The following ITGA9 variants were observed in gnomAD, a reference collection of about 807,000 sequenced individuals.
ITGA9 encodes integrin alpha-9.
In ITGA9, 56 loss-of-function variants were observed where a neutral mutation model predicts 127.8. The observed-to-expected ratio is 0.44, with a 90% CI of 0.35 to 0.55. The LOEUF (loss-of-function observed/expected upper bound fraction) is 0.55, where lower values mean the gene tolerates loss of function less well. Ranked by LOEUF, ITGA9 falls within the 20% of genes least tolerant of loss-of-function variation. ITGA9 has a pLI of 0.00. For synonymous variants in ITGA9, 508 were observed against 514.5 expected (o/e 0.99, Z 0.17); for missense variants, 1,196 against 1,347.1 (o/e 0.89, Z 1.76).
chr3:37,653,876 A>T lies in ITGA9; in HGVS notation c.1916+86A>T, dbSNP rs1700452038. On this transcript the variant is annotated intron_variant, in intron 17 of 27. Coordinates refer to ENST00000264741, the MANE Select transcript of ITGA9 (RefSeq NM_002207.3). The stretch of plus-strand genomic sequence containing the variant: ...CAAACCTGAATGTGCAGATTTCCCC[A>T]CTGAAGAGGATAAACAGAGTTGATG... The T allele has an allele frequency of 1.1e-5, 10 of 925,664 alleles. No homozygotes were observed. In the South Asian group the frequency reaches 1.2e-4, roughly 11 times the overall value. 57.3% of individuals were successfully genotyped at this position (925,664 alleles called of 1,614,324 possible).
intron 17 of ITGA9, among the ~76,000 whole-genome samples, chr3:37,670,578 A>G (rs1294362719): frequency 2.6e-5 from 4 of 152,256 alleles, no homozygotes; most frequent in African/African-American, 9.6e-5. Context: ...CTCTGTCCCA[A>G]ATAGAAATCA....
At chr3:37,582,515 A>G (rs946699609) in intron 15 of ITGA9, among the ~76,000 whole-genome samples, 4 of 152,206 alleles carry the variant, frequency 2.6e-5, no homozygotes, top group African/African-American at 9.7e-5. Context: ...CTCTTAAGAA[A>G]AGGAAGGAGA....
Position 37,731,194 on chromosome 3 carries a change from G to A in ITGA9, c.2068-1518G>A, listed in dbSNP as rs1180830043. 1.1e-4 allele frequency among the ~76,000 whole-genome samples: 16 copies of A among 152,154 alleles called. 1 individual carries two copies. Among genetic ancestry groups the A allele is most frequent in the African/African-American group, 3.4e-4 (14 of 41,432 alleles). ...AAAAGACTCATGCTGTGCAATTAGA[G>A]TGTGGCCCAGGAATCTGCATTTTAT... On this transcript the variant is annotated intron_variant, in intron 18 of 27. Transcript: ENST00000264741.
intron 16 of ITGA9, among the ~76,000 whole-genome samples, chr3:37,638,171 G>A (rs1004706377): frequency 3.3e-5 from 5 of 152,068 alleles, no homozygotes; most frequent in Admixed American, 2.6e-4. Context: ...ATAAATCAAC[G>A]AGTAGTAGTA....
At chr3:37,619,099 C>T (rs528293065) in intron 15 of ITGA9, among the ~76,000 whole-genome samples, 10 of 152,094 alleles carry the variant, frequency 6.6e-5, no homozygotes, top group Non-Finnish European at 1.0e-4. Flanking sequence ...TGGCCGTCTT[C>T]GCTGTTATTT....
At chr3:37,519,442 G>A (rs1699022740) in intron 11 of ITGA9, 88 bp downstream of exon 11, 2 of 1,066,572 alleles carry the variant, frequency 1.9e-6, no homozygotes, top group South Asian at 1.3e-5. Context: ...ATGCCCTGGA[G>A]GTACAAAGAA....
At position 37,490,966 on chromosome 3, in the gene ITGA9, T is replaced by TCCCC. The variant is rs10624727; in HGVS notation, c.545-3531_545-3528dup. Among the ~76,000 whole-genome samples the TCCCC allele has an allele frequency of 4.3e-3, 466 of 108,642 alleles. 10 individuals carry two copies. The highest frequency in any genetic ancestry group is 5.5e-3 in the Non-Finnish European group (290 of 53,152). 71.3% of individuals were successfully genotyped at this position (108,642 alleles called of 152,430 possible). On this transcript the variant is annotated intron_variant, in intron 4 of 27. Transcript: ENST00000264741. ...TATCTTTTGGGTCTCAGATTTGGCT[T>TCCCC]CCCCCCCGCTTTTTTTTTTTTTTTT... is the stretch of plus-strand genomic sequence containing the variant.
chr3:37,807,825 G>GACC (rs1453552171), intron 27 of ITGA9: 1 of 152,390 alleles, frequency 6.6e-6, no homozygotes, highest in African/African-American at 2.4e-5. Flanking sequence ...AGGGTTTGCT[G>GACC]ACCAGTTGGA....
At chr3:37,568,799 A>G (rs1699573410) in intron 15 of ITGA9, among the ~76,000 whole-genome samples, 1 of 152,210 alleles carries the variant, frequency 6.6e-6, no homozygotes, top group African/African-American at 2.4e-5. Context: ...TGTCCCTATT[A>G]TTATCAGCAT....
At position 37,647,967 on chromosome 3, in the gene ITGA9, A is replaced by G. The variant is rs137895323; in HGVS notation, c.1840-5747A>G. 3.7e-4 allele frequency among the ~76,000 whole-genome samples: 56 copies of G among 152,338 alleles called. No homozygotes were observed. In the East Asian group the frequency reaches 9.8e-3, roughly 27 times the overall value. On this transcript the variant is annotated intron_variant, in intron 16 of 27. Transcript: ENST00000264741. ...TGATTCCATGTCTTAGCTGTTGTGA[A>G]TAATGCTGCAATGAACATGGAAATG... is the stretch of plus-strand genomic sequence containing the variant.
intron 17 of ITGA9, among the ~76,000 whole-genome samples, chr3:37,673,060 G>A (rs574061819): frequency 6.6e-6 from 1 of 152,136 alleles, no homozygotes; most frequent in East Asian, 1.9e-4. Flanking sequence ...ATAATTCCAT[G>A]TTTCACTGAA....
At chr3:37,623,886 G>C (rs1370705893) in intron 15 of ITGA9, among the ~76,000 whole-genome samples, 1 of 152,092 alleles carries the variant, frequency 6.6e-6, no homozygotes, top group Non-Finnish European at 1.5e-5. Flanking sequence ...AGAGATAAAG[G>C]AAAAGGCATC....
At chr3:37,764,255 C>T (rs966490748) in intron 23 of ITGA9, among the ~76,000 whole-genome samples, 2 of 151,936 alleles carry the variant, frequency 1.3e-5, no homozygotes, top group African/African-American at 4.8e-5. Context: ...GTCCTCTTTG[C>T]TCTCTCCATA....
At chr3:37,480,913 A>G (rs1366786567) in intron 3 of ITGA9, among the ~76,000 whole-genome samples, 1 of 152,146 alleles carries the variant, frequency 6.6e-6, no homozygotes, top group Admixed American at 6.5e-5. Context: ...CACTTGGATC[A>G]TGCTTCTCAA....
chr3:37,612,040 A>G (rs1462053366), intron 15 of ITGA9, among the ~76,000 whole-genome samples: 2 of 152,058 alleles, frequency 1.3e-5, no homozygotes, highest in African/African-American at 4.8e-5. Flanking sequence ...AACCTGTCAT[A>G]AAATGTAATG....
chr3:37,658,395 ATAGT>A (rs1700498926), intron 17 of ITGA9, among the ~76,000 whole-genome samples: 1 of 152,160 alleles, frequency 6.6e-6, no homozygotes, highest in Non-Finnish European at 1.5e-5. Flanking sequence ...TATATTGATG[ATAGT>A]TAGCTCTTCT....
chr3:37,749,775 T>C (rs1696557637), intron 22 of ITGA9: 1 of 153,208 alleles, frequency 6.5e-6, no homozygotes. Flanking sequence ...GAGCTGCAGA[T>C]TGCCTGGAAA....
intron 26 of ITGA9, among the ~76,000 whole-genome samples, chr3:37,792,918 G>A (rs184522584): frequency 6.6e-6 from 1 of 152,248 alleles, no homozygotes; most frequent in East Asian, 1.9e-4. Context: ...GGCTGGGAGT[G>A]ATCCAGTGTC....
chr3:37,708,651 C>CTA, intron 18 of ITGA9, among the ~76,000 whole-genome samples: 3 of 152,300 alleles, frequency 2.0e-5, no homozygotes, highest in East Asian at 1.9e-4. Context: ...GCTAAATACC[C>CTA]CACAATGCAC....
Sources: gnomAD v4.1 joint callset for allele counts (sites outside exome capture counted in the v4.1 genomes callset) on GRCh38, gnomAD v4.1.1 for gene constraint, MANE v1.5 for transcripts, NCBI Gene and HGNC (gene_info 2026-07-23, HGNC 2026-07-21) for gene names.